Variants in CPLX1 observed in about 807,000 individuals in gnomAD.
CPLX1 encodes complexin 1.
A neutral mutation model predicts 15.6 loss-of-function variants in CPLX1; 6 were observed. The ratio of observed to expected loss-of-function variants is 0.39; its 90% CI spans 0.21 to 0.76. CPLX1 has a LOEUF of 0.76. Among genes scored for constraint, CPLX1 ranks in the 30% least tolerant of loss-of-function variants. CPLX1 has a pLI of 0.43. For missense variants in CPLX1, 242 were observed against 188.6 expected, an observed-to-expected ratio of 1.28 and a Z score of -1.66; for synonymous variants, 91 against 75.2, an observed-to-expected ratio of 1.21 and a Z score of -1.08.
chr4:796,840 C>A (rs1746351691), intron 2 of CPLX1, among the ~76,000 whole-genome samples: 1 of 152,254 alleles, frequency 6.6e-6, no homozygotes, highest in African/African-American at 2.4e-5. Context: ...GGACAGACAC[C>A]TGAAGGAAAA....
chr4:792,318 A>C, intron 3 of CPLX1, 115 bp downstream of exon 3: 7 of 811,756 alleles, frequency 8.6e-6, no homozygotes, highest in Non-Finnish European at 1.0e-5. Flanking sequence ...AAAGGGTAGG[A>C]GGCCCAGGGG....
At chr4:806,103 G>C (rs2152646089) in intron 2 of CPLX1, among the ~76,000 whole-genome samples, 1 of 152,234 alleles carries the variant, frequency 6.6e-6, no homozygotes, top group South Asian at 2.1e-4. Context: ...TAAATTTTAT[G>C]CTATATATTT....
In CPLX1 at chr4:792,496, G is replaced by A. The variant is rs1746212304; in HGVS notation, c.144C>T (p.Arg48=). The A allele has an allele frequency of 6.2e-7, 1 of 1,612,988 alleles. No homozygotes were observed. Among genetic ancestry groups the A allele is most frequent in the Non-Finnish European group, 8.5e-7 (1 of 1,179,700 alleles). ...QEALRQAEEE[R]KAKYAKMEAE... is the part of the protein sequence containing the mutation. ...CCTCCATCTTGGCGTACTTGGCCTTGCGCTCCTCCTCCGCCTGGCGCAGCG... is the reference window on the plus strand; with the variant it reads ...CCTCCATCTTGGCGTACTTGGCCTTACGCTCCTCCTCCGCCTGGCGCAGCG... Residue 48 remains arginine, a synonymous_variant, in exon 3 of 4, where the codon CGC becomes CGT. Transcript: ENST00000304062.
At chr4:816,188 T>A (rs555029665) in intron 2 of CPLX1, among the ~76,000 whole-genome samples, 22 of 151,288 alleles carry the variant, frequency 1.5e-4, no homozygotes, top group Admixed American at 1.3e-3. Context: ...AATTTACAAG[T>A]GGATCTGAAG....
Position 810,846 on chromosome 4 carries a change from G to A in CPLX1, c.31+13646C>T, listed in dbSNP as rs1018051239. Among the ~76,000 whole-genome samples, 11 of 151,744 alleles carry A rather than the reference G, an allele frequency of 7.2e-5. No individual in the cohort carries two copies. In the East Asian group the frequency reaches 7.8e-4, roughly 11 times the overall value. On this transcript the variant is annotated intron_variant, in intron 2 of 3. Transcript: ENST00000304062. ...CGAGTAGCTGGGATTACAGGTGCCC[G>A]CCACCACACCTGGCTAATTTTTGTA...
chr4:807,476 A>ATTT (rs146977081), intron 2 of CPLX1, among the ~76,000 whole-genome samples: 1 of 145,340 alleles, frequency 6.9e-6, no homozygotes, highest in Non-Finnish European at 1.5e-5. Context: ...CCGGAACTTA[A>ATTT]TTTTTTTTTT....
At chr4:796,882 C>T (rs1030117889) in intron 2 of CPLX1, among the ~76,000 whole-genome samples, 1 of 152,192 alleles carries the variant, frequency 6.6e-6, no homozygotes, top group African/African-American at 2.4e-5. Context: ...GATACCAAGA[C>T]AGAATGATGA....
intron 2 of CPLX1, among the ~76,000 whole-genome samples, chr4:794,056 G>C (rs560681409): frequency 1.3e-5 from 2 of 152,228 alleles, no homozygotes; most frequent in African/African-American, 4.8e-5. Context: ...GGAGCCTGGG[G>C]CGACGCCCTC....
chr4:813,887 C>T (rs1746704217), intron 2 of CPLX1, among the ~76,000 whole-genome samples: 1 of 152,250 alleles, frequency 6.6e-6, no homozygotes, highest in East Asian at 1.9e-4. Flanking sequence ...AGACTTCCAA[C>T]AGCTTTTCCT....
At chr4:809,016 G>A (rs967684187) in intron 2 of CPLX1, among the ~76,000 whole-genome samples, 2 of 152,268 alleles carry the variant, frequency 1.3e-5, no homozygotes, top group Non-Finnish European at 2.9e-5. Flanking sequence ...GCGAGTGCGC[G>A]GGCGGCAGGC....
chr4:792,696 C>T, intron 2 of CPLX1, 88 bp from the exon 3 acceptor site: 5 of 1,433,224 alleles, frequency 3.5e-6, no homozygotes, highest in South Asian at 1.3e-5. Flanking sequence ...ACCTTCTGGC[C>T]GACCCCCCAA....
At chr4:808,103 A>C (rs1367112460) in intron 2 of CPLX1, among the ~76,000 whole-genome samples, 3 of 152,068 alleles carry the variant, frequency 2.0e-5, no homozygotes, top group Non-Finnish European at 4.4e-5. Context: ...CTGTCTCCAC[A>C]AAAAAATTAT....
At chr4:805,047 C>T in intron 2 of CPLX1, 1 of 607,220 alleles carries the variant, frequency 1.6e-6, no homozygotes, top group Non-Finnish European at 2.1e-6. Context: ...CGGCAGCGGC[C>T]CTGGCGTGTG....
At chr4:819,478 C>A (rs1746820319) in intron 2 of CPLX1, among the ~76,000 whole-genome samples, 2 of 152,242 alleles carry the variant, frequency 1.3e-5, no homozygotes, top group Admixed American at 1.3e-4. Context: ...TTTGTGAAGT[C>A]CGTTCTGAAC....
chr4:800,777 A>G (rs561247168), intron 2 of CPLX1, among the ~76,000 whole-genome samples: 1 of 148,204 alleles, frequency 6.7e-6, no homozygotes, highest in East Asian at 2.0e-4. Flanking sequence ...ACACACACAG[A>G]CACATATATG....
At chr4:814,103 C>T (rs1361884443) in intron 2 of CPLX1, among the ~76,000 whole-genome samples, 1 of 152,210 alleles carries the variant, frequency 6.6e-6, no homozygotes, top group African/African-American at 2.4e-5. Context: ...GCAGGTGGAA[C>T]CCCTGCTTTT....
At chr4:803,677 G>A (rs181879477) in intron 2 of CPLX1, among the ~76,000 whole-genome samples, 69 of 152,142 alleles carry the variant, frequency 4.5e-4, no homozygotes, top group African/African-American at 1.6e-3. Flanking sequence ...GAGCCACCGC[G>A]CCCGGCCTTC....
At position 785,347 on chromosome 4, in the gene CPLX1, T is replaced by C. The variant is rs1430351827; in HGVS notation, c.*1154A>G. On this transcript the variant is annotated 3_prime_UTR_variant, in exon 4 of 4. Transcript: ENST00000304062. ...TTGCAGTCTAACGTTATGGCTTCTC[T>C]AAAGCTATGTAAGGTCATGAAGGTC... 6.6e-6 allele frequency: 1 copy of C among 152,372 alleles called. No homozygotes were observed. Among genetic ancestry groups the C allele is most frequent in the East Asian group, 1.9e-4 (1 of 5,142 alleles). 9.4% of individuals were successfully genotyped at this position (152,372 alleles called of 1,614,324 possible). A position where few individuals can be genotyped will look rare whatever the true frequency, so the allele number is the denominator to read the frequency against.
At chr4:813,520 A>T (rs1576996092) in intron 2 of CPLX1, among the ~76,000 whole-genome samples, 1 of 152,138 alleles carries the variant, frequency 6.6e-6, no homozygotes, top group African/African-American at 2.4e-5. Context: ...TATAAAGGGC[A>T]CTGGGCCCAC....
Sources: gnomAD v4.1 joint callset for allele counts (sites outside exome capture counted in the v4.1 genomes callset) on GRCh38, gnomAD v4.1.1 for gene constraint, MANE v1.5 for transcripts, NCBI Gene and HGNC (gene_info 2026-07-23, HGNC 2026-07-21) for gene names.